DGKK: variants seen among roughly 807,000 people sequenced by gnomAD.
The protein encoded by DGKK is 142 kDa diacylglycerol kinase.
A neutral mutation model predicts 92.2 loss-of-function variants in DGKK; 35 were observed. The observed-to-expected ratio is 0.38, with a 90% CI of 0.29 to 0.50. The LOEUF is 0.50. DGKK is among the 20% of genes least tolerant of loss of function. The probability of loss-of-function intolerance (pLI) is 0.92; values close to 1 mark genes in which losing one functional copy is unlikely to be tolerated. For synonymous variants in DGKK, 368 were observed against 360.6 expected (o/e 1.02, Z -0.23); for missense variants, 910 against 992.2 (o/e 0.92, Z 1.11).
intron 4 of DGKK, among the ~76,000 whole-genome samples, chrX:50,415,311 C>T (rs190909233): frequency 2.5e-3 from 275 of 111,490 alleles, no homozygotes; most frequent in Non-Finnish European, 3.2e-3. Context: ...CCAGTAAGTT[C>T]GAAATATTGT....
intron 8 of DGKK, among the ~76,000 whole-genome samples, chrX:50,393,725 G>A (rs374564917): frequency 8.9e-6 from 1 of 111,999 alleles, no homozygotes; most frequent in South Asian, 3.7e-4. Flanking sequence ...GGAGAGGATT[G>A]AGAACCCAGG....
In DGKK at chrX:50,378,625, T is replaced by A. The variant is rs781933403; in HGVS notation, c.2929A>T (p.Met977Leu). 2 of 1,208,213 alleles carry A rather than the reference T, an allele frequency of 1.7e-6. No homozygotes were observed. Among genetic ancestry groups the A allele is most frequent in the Non-Finnish European group, 2.2e-6 (2 of 894,488 alleles). The change falls in exon 21 of 28, where the codon ATG becomes TTG. Residue 977 changes from methionine (M) to leucine (L), a missense_variant. Physicochemically the swap from Met to Leu is conservative, Grantham distance 15. Coordinates refer to ENST00000611977, the MANE Select transcript of DGKK (RefSeq NM_001013742.4). ...EVVAIFGSVQ[M>L]AMSRIINLHH... ...AGGTTGATGATACGGGACATTGCCATCTGCACAGAACCAAAGATTGCCACC... is the reference window on the plus strand; with the variant it reads ...AGGTTGATGATACGGGACATTGCCAACTGCACAGAACCAAAGATTGCCACC...
intron 1 of DGKK, among the ~76,000 whole-genome samples, chrX:50,462,176 T>C (rs1439349252): frequency 9.0e-6 from 1 of 111,376 alleles, no homozygotes; most frequent in Non-Finnish European, 1.9e-5. Context: ...TCTTTTTCTT[T>C]TGGACAGTGC....
At chrX:50,448,597 G>A (rs1557232230) in intron 1 of DGKK, among the ~76,000 whole-genome samples, 1 of 111,074 alleles carries the variant, frequency 9.0e-6, no homozygotes, top group East Asian at 2.9e-4. Context: ...GAGGGCGTGA[G>A]GTAGGGAGTG....
At position 50,402,936 on chromosome X, in the gene DGKK, C is replaced by G. The variant is rs139671756; in HGVS notation, c.1308+125G>C. The G allele has an allele frequency of 1.3e-3, 1,163 of 896,063 alleles. 16 individuals are homozygous for G. The African/African-American group carries it at 0.022, about 17-fold the overall frequency. 73.8% of individuals were successfully genotyped at this position (896,063 alleles called of 1,213,427 possible). On this transcript the variant is annotated intron_variant, in intron 7 of 27. Transcript: ENST00000611977. Reference sequence around the variant, plus strand: ...GATACTAAGATTTATACTATGGAATCTGTTTAACCTGTTTTGAGATAAGAG... The same window carrying G: ...GATACTAAGATTTATACTATGGAATGTGTTTAACCTGTTTTGAGATAAGAG...
At chrX:50,390,509 T>C (rs1205543176) in intron 11 of DGKK, 100 bp from the exon 12 acceptor site, 8 of 604,675 alleles carry the variant, frequency 1.3e-5, no homozygotes, top group Non-Finnish European at 1.8e-5. Context: ...GTTTATGTGG[T>C]GGGGGGAGGT....
At chrX:50,407,059 T>C (rs145439358) in intron 4 of DGKK, among the ~76,000 whole-genome samples, 161 of 111,564 alleles carry the variant, frequency 1.4e-3, no homozygotes, top group African/African-American at 5.1e-3. Flanking sequence ...GTGGAACATA[T>C]TGGAAACTAA....
chrX:50,431,261 C>T lies in DGKK; in HGVS notation c.646-6903G>A, dbSNP rs576966224. Among the ~76,000 whole-genome samples the T allele has an allele frequency of 2.7e-5, 3 of 111,252 alleles. No individual in the cohort carries two copies. The South Asian group carries it at 1.1e-3, about 42-fold the overall frequency. The stretch of plus-strand genomic sequence containing the variant: ...CCCAGGCTGGTCTTGAACTCCTGGG[C>T]TCAAGCAATCCTCCCACCTCTGTAA... On this transcript the variant is annotated intron_variant, in intron 1 of 27. Coordinates refer to ENST00000611977, the MANE Select transcript of DGKK (RefSeq NM_001013742.4).
chrX:50,470,352 C>T lies in DGKK; in HGVS notation c.327G>A (p.Pro109=), dbSNP rs782807342. 12 of 1,205,993 alleles carry T rather than the reference C, an allele frequency of 1.0e-5. No homozygotes were observed. The Admixed American group carries it at 1.1e-4, about 11-fold the overall frequency. ...CAGGTTCTGGGGCCGGTTCTGGGGC[C>T]GGCTCTGTGGCAGGTTCTGGGGCCG... ...TEPAPEPATE[P]APEPAPEPAT... The change falls in exon 1 of 28, where the codon CCG becomes CCA. Residue 109 remains proline (P), a synonymous_variant. Transcript: ENST00000611977.
intron 26 of DGKK, among the ~76,000 whole-genome samples, 200 bp downstream of exon 26, chrX:50,371,524 T>A (rs1161085604): frequency 8.9e-6 from 1 of 111,859 alleles, no homozygotes; most frequent in Non-Finnish European, 1.9e-5. Context: ...TTTTTCTACA[T>A]GTTTTCTGCC....
At chrX:50,372,249 C>T (rs1289730196) in intron 25 of DGKK, among the ~76,000 whole-genome samples, 8 of 111,827 alleles carry the variant, frequency 7.2e-5, no homozygotes, top group Non-Finnish European at 1.3e-4. Flanking sequence ...CCCATCTTCC[C>T]GGTAACCTTA....
chrX:50,452,849 C>G (rs1926526899), intron 1 of DGKK, among the ~76,000 whole-genome samples: 1 of 111,387 alleles, frequency 9.0e-6, no homozygotes, highest in African/African-American at 3.3e-5. Flanking sequence ...TCTCAAATCA[C>G]AAAGGCACAG....
intron 1 of DGKK, among the ~76,000 whole-genome samples, chrX:50,447,350 TA>T (rs1162771467): frequency 7.3e-4 from 6 of 8,229 alleles, no homozygotes; most frequent in African/African-American, 6.1e-3. Context: ...ATATTATATA[TA>T]TATATAATAT....
chrX:50,404,445 C>CTT (rs781970634), intron 4 of DGKK, among the ~76,000 whole-genome samples: 4 of 90,912 alleles, frequency 4.4e-5, no homozygotes, highest in African/African-American at 1.2e-4. Flanking sequence ...GAGTAATTAT[C>CTT]TTTTTTTTTT....
At chrX:50,416,047 C>T (rs1925426816) in intron 4 of DGKK, among the ~76,000 whole-genome samples, 1 of 111,156 alleles carries the variant, frequency 9.0e-6, no homozygotes, top group South Asian at 3.8e-4. Context: ...ATGAGATTAG[C>T]ACTCTTATAA....
At chrX:50,401,966 C>A (rs1025057987) in intron 7 of DGKK, among the ~76,000 whole-genome samples, 2 of 111,396 alleles carry the variant, frequency 1.8e-5, no homozygotes, top group African/African-American at 6.5e-5. Flanking sequence ...GAATACCAGG[C>A]CTCTACCCAC....
chrX:50,443,494 A>G (rs1169728085), intron 1 of DGKK, among the ~76,000 whole-genome samples: 2 of 110,493 alleles, frequency 1.8e-5, no homozygotes, highest in African/African-American at 6.7e-5. Context: ...CTGGGGTTTA[A>G]AAAAACACTA....
At chrX:50,377,064 CT>C (rs1232453593) in intron 22 of DGKK, 146 bp from the exon 23 acceptor site, 6 of 461,315 alleles carry the variant, frequency 1.3e-5, no homozygotes, top group African/African-American at 9.7e-5. Context: ...TCCATTCCCC[CT>C]GTCATACCCA....
chrX:50,434,500 G>C (rs1270842305), intron 1 of DGKK, among the ~76,000 whole-genome samples: 1 of 110,806 alleles, frequency 9.0e-6, no homozygotes, highest in African/African-American at 3.3e-5. Flanking sequence ...CGGTTATCAT[G>C]ATCTGACTTG....
Sources: allele counts gnomAD v4.1 joint callset (sites outside exome capture counted in the v4.1 genomes callset), GRCh38; gene constraint gnomAD v4.1.1; transcripts MANE v1.5; gene names NCBI Gene and HGNC (gene_info 2026-07-23, HGNC 2026-07-21).